MNAT1: variants seen among roughly 807,000 people sequenced by gnomAD.
MNAT1 encodes the protein CDK-activating kinase assembly factor MAT1.
MNAT1 carries 43 observed loss-of-function variants against 42.0 expected under a neutral mutation model. That is an observed-to-expected ratio of 1.02 (90% CI 0.80 to 1.32). The LOEUF (loss-of-function observed/expected upper bound fraction) is 1.32, where lower values mean the gene tolerates loss of function less well. Among genes scored for constraint, MNAT1 ranks in the 40% most tolerant of loss-of-function variants. MNAT1 has a pLI of 0.00. For missense variants in MNAT1, 306 were observed against 350.4 expected (o/e 0.87, Z 1.01); for synonymous variants, 118 against 120.0 (o/e 0.98, Z 0.11).
intron 1 of MNAT1, among the ~76,000 whole-genome samples, chr14:60,767,490 A>G (rs1364557243): frequency 6.6e-6 from 1 of 152,222 alleles, no homozygotes; most frequent in Non-Finnish European, 1.5e-5. Context: ...ATGGCTGAAG[A>G]AAGTAAATAA....
chr14:60,766,177 G>A (rs2030807930), intron 1 of MNAT1, among the ~76,000 whole-genome samples: 1 of 151,612 alleles, frequency 6.6e-6, no homozygotes, highest in African/African-American at 2.4e-5. Flanking sequence ...GTGAAACCCT[G>A]TCTCTACTAA....
chr14:60,917,679 G>A (rs1341959432), intron 7 of MNAT1, among the ~76,000 whole-genome samples: 1 of 151,076 alleles, frequency 6.6e-6, no homozygotes, highest in Non-Finnish European at 1.5e-5. Flanking sequence ...CTGGAGTGGA[G>A]TGGCGTGATC....
At chr14:60,874,461 C>G (rs548689927) in intron 6 of MNAT1, among the ~76,000 whole-genome samples, 4 of 152,098 alleles carry the variant, frequency 2.6e-5, no homozygotes, top group African/African-American at 7.2e-5. Context: ...TTTCATTCTT[C>G]CATCTTTTAT....
chr14:60,800,730 T>C (rs1566771393), intron 3 of MNAT1, among the ~76,000 whole-genome samples: 1 of 152,226 alleles, frequency 6.6e-6, no homozygotes, highest in Non-Finnish European at 1.5e-5. Flanking sequence ...TGTGTTTCTC[T>C]CCTTTAACAA....
intron 6 of MNAT1, among the ~76,000 whole-genome samples, chr14:60,840,124 T>C (rs548700719): frequency 5.9e-5 from 9 of 152,378 alleles, no homozygotes; most frequent in African/African-American, 2.2e-4. Context: ...ATATTAAATG[T>C]TATACATTTT....
intron 1 of MNAT1, among the ~76,000 whole-genome samples, chr14:60,786,374 A>G (rs1373485853): frequency 6.6e-6 from 1 of 152,086 alleles, no homozygotes; most frequent in Non-Finnish European, 1.5e-5. Flanking sequence ...TTAAATTATG[A>G]TTGCATTCCT....
chr14:60,887,528 C>A (rs1594835005), intron 7 of MNAT1, among the ~76,000 whole-genome samples: 1 of 151,334 alleles, frequency 6.6e-6, no homozygotes, highest in Non-Finnish European at 1.5e-5. Context: ...ATGATGATTT[C>A]CAGTTTCATC....
chr14:60,783,929 A>G (rs1450089521), intron 1 of MNAT1, among the ~76,000 whole-genome samples: 1 of 152,088 alleles, frequency 6.6e-6, no homozygotes, highest in Non-Finnish European at 1.5e-5. Context: ...TCCTGGGCTC[A>G]AGCGATCCTT....
chr14:60,932,336 T>A (rs991166113), intron 7 of MNAT1, among the ~76,000 whole-genome samples: 4 of 152,060 alleles, frequency 2.6e-5, no homozygotes, highest in African/African-American at 9.6e-5. Context: ...GCTATAGGTG[T>A]TCATTGTTGG....
At chr14:60,938,692 T>C (rs569196750) in intron 7 of MNAT1, among the ~76,000 whole-genome samples, 1 of 152,314 alleles carries the variant, frequency 6.6e-6, no homozygotes, top group South Asian at 2.1e-4. Context: ...TCTAAAATTC[T>C]CTTTTTTTGT....
intron 6 of MNAT1, among the ~76,000 whole-genome samples, chr14:60,862,129 G>A (rs1163403010): frequency 6.6e-6 from 1 of 152,130 alleles, no homozygotes; most frequent in East Asian, 1.9e-4. Context: ...ATCTTTGAAG[G>A]CAGGTTTTTA....
intron 3 of MNAT1, among the ~76,000 whole-genome samples, chr14:60,799,804 T>C (rs2032144393): frequency 6.6e-6 from 1 of 151,958 alleles, no homozygotes; most frequent in African/African-American, 2.4e-5. Flanking sequence ...GGGCCCATAA[T>C]TGGTACTAGA....
chr14:60,938,551 C>T (rs1035122637), intron 7 of MNAT1, among the ~76,000 whole-genome samples: 1 of 152,152 alleles, frequency 6.6e-6, no homozygotes, highest in Non-Finnish European at 1.5e-5. Context: ...GTATGTTGAA[C>T]CAGCCTTGCA....
chr14:60,964,272 A>G (rs985770333), intron 7 of MNAT1, among the ~76,000 whole-genome samples: 2 of 152,182 alleles, frequency 1.3e-5, no homozygotes, highest in African/African-American at 4.8e-5. Context: ...CGCCCTTCTC[A>G]GGATCCATTG....
At chr14:60,928,182 T>C (rs913733579) in intron 7 of MNAT1, among the ~76,000 whole-genome samples, 1 of 152,228 alleles carries the variant, frequency 6.6e-6, no homozygotes, top group African/African-American at 2.4e-5. Flanking sequence ...TTGTAGTATA[T>C]ATATCCATGT....
intron 7 of MNAT1, among the ~76,000 whole-genome samples, chr14:60,895,935 T>C (rs758247539): frequency 1.3e-5 from 2 of 152,192 alleles, no homozygotes; most frequent in Non-Finnish European, 2.9e-5. Context: ...ATTTTAATTA[T>C]GTATTTTTGG....
chr14:60,741,097 A>G lies in MNAT1; in HGVS notation c.89+6146A>G, dbSNP rs376227453. Among the ~76,000 whole-genome samples, 5 of 152,200 alleles carry G rather than the reference A, an allele frequency of 3.3e-5. No homozygotes were observed. The East Asian group carries it at 9.6e-4, about 29-fold the overall frequency. On this transcript the variant is annotated intron_variant, in intron 1 of 7. Transcript: ENST00000261245. ...ACATTTCTCCTTTTATCATTATGAA[A>G]TGGCCCTCTTTGTCTCTTGTAATAT...
chr14:60,940,516 C>G (rs1314067146), intron 7 of MNAT1, among the ~76,000 whole-genome samples: 3 of 152,224 alleles, frequency 2.0e-5, no homozygotes, highest in African/African-American at 4.8e-5. Context: ...CTCCCAGGTT[C>G]ATGCCATTCT....
chr14:60,899,165 C>G (rs1268131869), intron 7 of MNAT1, among the ~76,000 whole-genome samples: 8 of 152,092 alleles, frequency 5.3e-5, no homozygotes, highest in Non-Finnish European at 1.2e-4. Context: ...CTTTATACTG[C>G]TTTGTGGTAG....
Sources: allele counts gnomAD v4.1 joint callset (sites outside exome capture counted in the v4.1 genomes callset), GRCh38; gene constraint gnomAD v4.1.1; transcripts MANE v1.5; gene names NCBI Gene and HGNC (gene_info 2026-07-23, HGNC 2026-07-21).